Variants in PTPRU observed in about 807,000 individuals in gnomAD.
PTPRU encodes the protein protein tyrosine phosphatase receptor type U.
Under a neutral mutation model 166.3 loss-of-function variants are expected in PTPRU, and 69 were observed. The observed-to-expected ratio is 0.41, with a 90% CI of 0.34 to 0.51. The LOEUF is 0.51. Among genes scored for constraint, PTPRU ranks in the 20% least tolerant of loss-of-function variants. The pLI is 0.09. For missense variants in PTPRU, 1,657 were observed against 2,013.7 expected (o/e 0.82, Z 3.39); for synonymous variants, 793 against 814.0 (o/e 0.97, Z 0.44).
At chr1:29,259,613 G>A (rs780924702) in intron 5 of PTPRU, 49 bp downstream of exon 5, 1 of 1,471,866 alleles carries the variant, frequency 6.8e-7, no homozygotes, top group South Asian at 1.3e-5. Context: ...GAGGGGGTTG[G>A]TGGCTGCTTC....
chr1:29,237,495 C>A lies in PTPRU; in HGVS notation c.73+778C>A, dbSNP rs1187292178. Among the ~76,000 whole-genome samples, 3 of 152,024 alleles carry A rather than the reference C, an allele frequency of 2.0e-5. No homozygotes were observed. The highest frequency in any genetic ancestry group is 7.2e-5 in the African/African-American group (3 of 41,410). On this transcript the variant is annotated intron_variant, in intron 1 of 29. Coordinates refer to ENST00000373779, the MANE Select transcript of PTPRU (RefSeq NM_133178.4). The surrounding 1 kb of genome is among the most constrained non-coding windows in gnomAD (Gnocchi z 6.4). ...GTTGCGAGTGTGGAGCGCGCCTGGG[C>A]CGCGGCTGCGAGTGTGCCCTGGTCC...
chr1:29,247,851 G>A (rs1565714), intron 1 of PTPRU, among the ~76,000 whole-genome samples: 50,554 of 152,116 alleles, frequency 0.33, 10,505 homozygotes, highest in Non-Finnish European at 0.46. Flanking sequence ...GCATTGTCAG[G>A]CTGTGTGTTG....
At chr1:29,302,805 T>C (rs1468088372) in intron 15 of PTPRU, among the ~76,000 whole-genome samples, 2 of 152,200 alleles carry the variant, frequency 1.3e-5, no homozygotes, top group Non-Finnish European at 2.9e-5. Context: ...CACCTCGGCC[T>C]CCCAAATTTC....
In PTPRU at chr1:29,303,972, G is replaced by C; in HGVS notation, c.2594G>C (p.Arg865Pro). The C allele has an allele frequency of 1.2e-6, 2 of 1,613,740 alleles. No homozygotes were observed. The highest frequency in any genetic ancestry group is 1.7e-6 in the Non-Finnish European group (2 of 1,179,804). The stretch of plus-strand genomic sequence containing the variant: ...ACGGGGCAGCTGCACCCTGCGGTGC[G>C]TGTCGCAGACCTTCTGCAGCACATC... ...YHTGQLHPAVRVADLLQHINQ... is the reference protein window; with the variant it reads ...YHTGQLHPAVPVADLLQHINQ... Residue 865 changes from arginine (R) to proline (P), a missense_variant, in exon 16 of 30, where the codon CGT becomes CCT. Coordinates refer to ENST00000373779, the MANE Select transcript of PTPRU (RefSeq NM_133178.4).
intron 18 of PTPRU, chr1:29,305,653 C>T (rs1687358081): frequency 1.4e-6 from 1 of 729,436 alleles, no homozygotes; most frequent in South Asian, 1.4e-5. Context: ...AGATGAGGTG[C>T]TTTAGAGAAG....
At chr1:29,296,664 A>C (rs568817111) in intron 15 of PTPRU, among the ~76,000 whole-genome samples, 2 of 148,148 alleles carry the variant, frequency 1.3e-5, no homozygotes, top group African/African-American at 5.0e-5. Flanking sequence ...GCCCACTGTC[A>C]TGCCTTGCTA....
Position 29,260,162 on chromosome 1 carries a change from T to G in PTPRU, c.850+118T>G. The G allele has an allele frequency of 1.8e-6, 2 of 1,134,436 alleles. No individual in the cohort carries two copies. Among genetic ancestry groups the G allele is most frequent in the South Asian group, 2.3e-5 (1 of 44,120 alleles). 70.3% of individuals were successfully genotyped at this position (1,134,436 alleles called of 1,614,324 possible). A position where few individuals can be genotyped will look rare whatever the true frequency, so the allele number is the denominator to read the frequency against. ...GGGGGTGGGGCCGGCAGGGTGTCGC[T>G]GGGGCGCTATCTGAAGATGGGCCTG... On this transcript the variant is annotated intron_variant, in intron 6 of 29. Transcript: ENST00000373779. This position sits in a 1 kb window ranked among gnomAD's most constrained non-coding sequence, Gnocchi z 8.3.
intron 7 of PTPRU, among the ~76,000 whole-genome samples, chr1:29,263,853 T>C (rs1685174363): frequency 6.6e-6 from 1 of 152,170 alleles, no homozygotes; most frequent in Non-Finnish European, 1.5e-5. Flanking sequence ...ATTTGTCTTT[T>C]TATTATTGAG....
Position 29,279,080 on chromosome 1 carries a change from G to A in PTPRU, c.1522G>A (p.Glu508Lys). ...GGAGGACATGATCTTCCTCAAGTGGGAGGAGCCCCAGGAGCCCAATGGTCT... is the reference window on the plus strand; with the variant it reads ...GGAGGACATGATCTTCCTCAAGTGGAAGGAGCCCCAGGAGCCCAATGGTCT... The part of the protein sequence containing the change: ...PLEDMIFLKW[E>K]EPQEPNGLIT... Residue 508 changes from glutamate to lysine, a missense_variant, in exon 9 of 30, where the codon GAG (glutamate) becomes AAG (lysine). By Grantham distance (56) the Glu-to-Lys change is moderately conservative. Transcript: ENST00000373779. This position sits in a 1 kb window ranked among gnomAD's most constrained non-coding sequence, Gnocchi z 5.2. The A allele has an allele frequency of 3.1e-6, 5 of 1,590,384 alleles. No homozygotes were observed. The highest frequency in any genetic ancestry group is 4.3e-6 in the Non-Finnish European group (5 of 1,167,954).
intron 15 of PTPRU, among the ~76,000 whole-genome samples, chr1:29,292,266 G>A (rs2073173): frequency 0.28 from 42,081 of 152,116 alleles, 7,753 homozygotes; most frequent in East Asian, 0.63. Flanking sequence ...CATTGTGACA[G>A]TCGTCAAGGA....
In PTPRU at chr1:29,323,492, C is replaced by T; in HGVS notation, c.3950C>T (p.Ser1317Phe). 6.2e-7 allele frequency: 1 copy of T among 1,609,906 alleles called. No homozygotes were observed. Among genetic ancestry groups the T allele is most frequent in the African/African-American group, 1.3e-5 (1 of 74,956 alleles). The change falls in exon 27 of 30, where the codon TCT (serine) becomes TTT (phenylalanine). Residue 1317 changes from serine (S) to phenylalanine (F), a missense_variant. By Grantham distance (155) the Ser-to-Phe change is radical (BLOSUM62 -2). Coordinates refer to ENST00000373779, the MANE Select transcript of PTPRU (RefSeq NM_133178.4). ...CGAGTCTTCCGGGTGCAGAACATCT[C>T]TCGGGTGAGTGGTCTGAGGAGCCCC... ...VARVFRVQNI[S>F]RLQEGHLLVR...
At position 29,323,775 on chromosome 1, in the gene PTPRU, A is replaced by G. The variant is rs775969085; in HGVS notation, c.4099A>G (p.Ile1367Val). ...WQAESGDGRTIVHCLNGGGRS... is the reference protein window; with the variant it reads ...WQAESGDGRTVVHCLNGGGRS... Reference sequence around the variant, plus strand: ...GGCCGAGAGTGGGGATGGGCGCACCATCGTGCACTGCCTGTGAGTACCTGC... The same window carrying G: ...GGCCGAGAGTGGGGATGGGCGCACCGTCGTGCACTGCCTGTGAGTACCTGC... Residue 1367 changes from isoleucine to valine, a missense_variant, in exon 28 of 30, where the codon ATC becomes GTC. This residue lies in a region of PTPRU where 1,190 missense variants were observed against 1,477.4 expected (regional missense o/e 0.81). Transcript: ENST00000373779. The G allele has an allele frequency of 6.2e-7, 1 of 1,614,048 alleles. No homozygotes were observed. The highest frequency in any genetic ancestry group is 1.1e-5 in the South Asian group (1 of 91,066).
Position 29,260,072 on chromosome 1 carries a change from G to C in PTPRU, c.850+28G>C, listed in dbSNP as rs1053394290. The C allele has an allele frequency of 1.4e-6, 2 of 1,390,602 alleles. No homozygotes were observed. Among genetic ancestry groups the C allele is most frequent in the East Asian group, 2.9e-5 (1 of 34,932 alleles). 86.1% of individuals were successfully genotyped at this position (1,390,602 alleles called of 1,614,324 possible). A position where few individuals can be genotyped will look rare whatever the true frequency, so the allele number is the denominator to read the frequency against. On this transcript the variant is annotated intron_variant, in intron 6 of 29. Coordinates refer to ENST00000373779, the MANE Select transcript of PTPRU (RefSeq NM_133178.4). This position sits in a 1 kb window ranked among gnomAD's most constrained non-coding sequence, Gnocchi z 8.3. The stretch of plus-strand genomic sequence containing the variant: ...CAGCTGGTGGACGCCGGGGAGCGCC[G>C]GGACCTCACCCTCGAGGGGCGGGGC...
chr1:29,323,326 C>T (rs779448727), intron 26 of PTPRU, 45 bp from the exon 27 acceptor site: 8 of 1,586,282 alleles, frequency 5.0e-6, no homozygotes, highest in Middle Eastern at 2.0e-4. Context: ...GGGTGAGCCC[C>T]GGCCAGGCTC....
intron 22 of PTPRU, among the ~76,000 whole-genome samples, chr1:29,313,381 G>T (rs982746964): frequency 1.3e-5 from 2 of 152,126 alleles, no homozygotes; most frequent in Non-Finnish European, 2.9e-5. Context: ...CGTCCTCCCT[G>T]CCCTGCCACC....
chr1:29,283,257 AC>A (rs1433653571), intron 12 of PTPRU, among the ~76,000 whole-genome samples: 1 of 90,788 alleles, frequency 1.1e-5, no homozygotes, highest in East Asian at 2.9e-4. Context: ...CCATAGAGCC[AC>A]CCCCACGGCC....
At chr1:29,308,977 A>G (rs1365914045) in intron 18 of PTPRU, among the ~76,000 whole-genome samples, 1 of 152,112 alleles carries the variant, frequency 6.6e-6, no homozygotes, top group Non-Finnish European at 1.5e-5. Context: ...TGCAGTGGAG[A>G]CAGTGGCATG....
Position 29,282,815 on chromosome 1 carries a change from G to A in PTPRU, c.2008G>A (p.Ala670Thr), listed in dbSNP as rs151313946. The A allele has an allele frequency of 6.5e-4, 1,054 of 1,614,144 alleles. 9 individuals carry two copies. In the African/African-American group the frequency reaches 0.012, roughly 19 times the overall value. The change falls in exon 12 of 30, where the codon GCG becomes ACG. Residue 670 changes from alanine (A) to threonine (T), a missense_variant. Physicochemically the swap from Ala to Thr is moderately conservative, Grantham distance 58. This residue lies in a region of PTPRU where 1,190 missense variants were observed against 1,477.4 expected (regional missense o/e 0.81). Transcript: ENST00000373779. ...GLVHYFGAEL[A>T]ASSLPEAMPF... is the part of the protein sequence containing the mutation. ...GGTGCACTACTTCGGGGCCGAACTG[G>A]CGGCCAGCAGTCTACCTGAGGCCAT...
chr1:29,299,435 G>C lies in PTPRU; in HGVS notation c.2477-4420G>C, dbSNP rs576103701. 7.2e-5 allele frequency among the ~76,000 whole-genome samples: 11 copies of C among 152,264 alleles called. No individual in the cohort carries two copies. The South Asian group carries it at 2.1e-3, about 29-fold the overall frequency. On this transcript the variant is annotated intron_variant, in intron 15 of 29. Coordinates refer to ENST00000373779, the MANE Select transcript of PTPRU (RefSeq NM_133178.4). ...TCATAGGCAAGGAGAGTAGGGACCT[G>C]TCCTCTCTGGGCCCAGGAATTGGAG...
Sources: allele counts gnomAD v4.1 joint callset (sites outside exome capture counted in the v4.1 genomes callset), GRCh38; gene constraint gnomAD v4.1.1; regional missense constraint gnomAD v4.1.1; non-coding constraint Gnocchi (gnomAD v3.1); transcripts MANE v1.5; gene names NCBI Gene and HGNC (gene_info 2026-07-23, HGNC 2026-07-21).